Variants in CDH13 observed in about 807,000 individuals in gnomAD.
CDH13 encodes cadherin-13.
In CDH13, 24 loss-of-function variants were observed where a neutral mutation model predicts 63.8. The ratio of observed to expected loss-of-function variants is 0.38; its 90% CI spans 0.27 to 0.53. The LOEUF (loss-of-function observed/expected upper bound fraction) is 0.53. CDH13 is among the 20% of genes least tolerant of loss of function. The pLI is 0.85. For synonymous variants in CDH13, 503 were observed against 355.3 expected (o/e 1.42, Z -4.67); for missense variants, 1,049 against 903.1 (o/e 1.16, Z -2.07).
chr16:83,335,528 G>A (rs1485938663), intron 5 of CDH13, among the ~76,000 whole-genome samples: 1 of 152,002 alleles, frequency 6.6e-6, no homozygotes, highest in Non-Finnish European at 1.5e-5. Context: ...TGCCCTAAGG[G>A]AGGAGACCAT....
chr16:83,055,812 GC>G (rs1350298364), intron 3 of CDH13, among the ~76,000 whole-genome samples: 2 of 152,122 alleles, frequency 1.3e-5, no homozygotes, highest in Non-Finnish European at 2.9e-5. Context: ...AAAATTATAA[GC>G]CAGTCTCTCT....
intron 4 of CDH13, among the ~76,000 whole-genome samples, chr16:83,178,086 G>T (rs1362384698): frequency 1.3e-5 from 2 of 152,166 alleles, no homozygotes; most frequent in Non-Finnish European, 1.5e-5. Context: ...TAGGTTCACA[G>T]CTAACTATCG....
chr16:83,262,087 G>A (rs182070948), intron 5 of CDH13, among the ~76,000 whole-genome samples: 3 of 152,284 alleles, frequency 2.0e-5, no homozygotes, highest in Admixed American at 1.3e-4. Flanking sequence ...ATTAATAGCC[G>A]TGGAGTTTCC....
rs111540944 is a variant in CDH13, at chr16:82,656,312, CGT to C, written c.45+29198_45+29199del. On this transcript the variant is annotated intron_variant, in intron 1 of 13. Transcript: ENST00000567109. Reference sequence around the variant, plus strand: ...CACCTGGTTGCATTTGAATGGTGTGCGTGTGTGTGTGTGTGTGTGTGTGTTAA... The same window carrying C: ...CACCTGGTTGCATTTGAATGGTGTGCGTGTGTGTGTGTGTGTGTGTGTTAA... 2.8e-3 allele frequency among the ~76,000 whole-genome samples: 411 copies of C among 145,668 alleles called. 1 individual carries two copies. Among genetic ancestry groups the C allele is most frequent in the African/African-American group, 6.3e-3 (253 of 40,030 alleles).
At chr16:83,350,472 A>C (rs1244541333) in intron 6 of CDH13, among the ~76,000 whole-genome samples, 1 of 152,246 alleles carries the variant, frequency 6.6e-6, no homozygotes, top group Non-Finnish European at 1.5e-5. Flanking sequence ...GAAGACAAGC[A>C]GAGATTAGCA....
rs542583454 is a variant in CDH13 at position 82,872,615 on chromosome 16, T to C, written c.157+14142T>C. On this transcript the variant is annotated intron_variant, in intron 2 of 13. Coordinates refer to ENST00000567109, the MANE Select transcript of CDH13 (RefSeq NM_001257.5). ...TCTACACACATTCTAGTAATAGAGGTGCCCTCTATTTGTTCTTTTCACCTT... is the reference window on the plus strand; with the variant it reads ...TCTACACACATTCTAGTAATAGAGGCGCCCTCTATTTGTTCTTTTCACCTT... Among the ~76,000 whole-genome samples, 69 of 152,332 alleles carry C rather than the reference T, an allele frequency of 4.5e-4. 1 individual carries two copies. Among genetic ancestry groups the C allele is most frequent in the African/African-American group, 1.6e-3 (65 of 41,574 alleles).
intron 6 of CDH13, among the ~76,000 whole-genome samples, chr16:83,424,512 T>G (rs1202645594): frequency 1.3e-5 from 2 of 152,164 alleles, no homozygotes; most frequent in African/African-American, 4.8e-5. Context: ...TTATTTTTTT[T>G]AAGCTGCTGT....
chr16:83,567,153 C>A (rs1421054279), intron 7 of CDH13, among the ~76,000 whole-genome samples: 1 of 152,232 alleles, frequency 6.6e-6, no homozygotes. Flanking sequence ...CTTGACTCCC[C>A]AGCCAGGCTT....
intron 4 of CDH13, among the ~76,000 whole-genome samples, chr16:83,175,929 A>G (rs1473593733): frequency 2.0e-5 from 3 of 150,058 alleles, no homozygotes; most frequent in Non-Finnish European, 3.0e-5. Flanking sequence ...CCCAGGTTCA[A>G]GCGATTCTCC....
intron 1 of CDH13, among the ~76,000 whole-genome samples, chr16:82,805,781 A>C (rs1192725096): frequency 1.3e-5 from 2 of 152,188 alleles, no homozygotes; most frequent in Non-Finnish European, 2.9e-5. Context: ...TGGCTTTGCC[A>C]GTCTGTTGTG....
At chr16:82,696,472 C>G (rs139192686) in intron 1 of CDH13, among the ~76,000 whole-genome samples, 1 of 152,222 alleles carries the variant, frequency 6.6e-6, no homozygotes, top group Admixed American at 6.5e-5. Flanking sequence ...TTTGACATGG[C>G]AACATGAATG....
chr16:83,048,405 C>T (rs1337569854), intron 3 of CDH13, among the ~76,000 whole-genome samples: 1 of 152,190 alleles, frequency 6.6e-6, no homozygotes, highest in Non-Finnish European at 1.5e-5. Context: ...GGTATTCACG[C>T]TCCTGGACCT....
intron 3 of CDH13, among the ~76,000 whole-genome samples, chr16:83,070,112 C>T (rs564940666): frequency 2.0e-5 from 3 of 152,250 alleles, no homozygotes; most frequent in Non-Finnish European, 1.5e-5. Flanking sequence ...CTGAAATCCT[C>T]TTGCTTCTTG....
At chr16:83,541,440 G>A (rs1169032669) in intron 7 of CDH13, among the ~76,000 whole-genome samples, 4 of 152,154 alleles carry the variant, frequency 2.6e-5, no homozygotes, top group Non-Finnish European at 2.9e-5. Flanking sequence ...GAGGCATGTG[G>A]CAGAGATCGT....
In CDH13 at chr16:83,731,130, T is replaced by C. The variant is rs565010020; in HGVS notation, c.1539-16978T>C. ...CATTGTGCTGTGATAAACATACAAG[T>C]GCATGTGTCTTTTTGGCAAAACAAT... On this transcript the variant is annotated intron_variant, in intron 10 of 13. Transcript: ENST00000567109. 8.5e-5 allele frequency among the ~76,000 whole-genome samples: 13 copies of C among 152,342 alleles called. No homozygotes were observed. The East Asian group carries it at 2.3e-3, about 27-fold the overall frequency.
At chr16:82,698,261 C>A (rs1369733013) in intron 1 of CDH13, among the ~76,000 whole-genome samples, 2 of 152,198 alleles carry the variant, frequency 1.3e-5, no homozygotes, top group African/African-American at 2.4e-5. Context: ...GCATGTCAAG[C>A]ATATGTTTGC....
chr16:83,341,378 G>A (rs191335253), intron 5 of CDH13, among the ~76,000 whole-genome samples: 3 of 152,288 alleles, frequency 2.0e-5, no homozygotes, highest in Non-Finnish European at 2.9e-5. Flanking sequence ...TCTGACCTTC[G>A]TATGAGAACA....
In CDH13 at chr16:82,632,252, C is replaced by T. The variant is rs370839182; in HGVS notation, c.45+5115C>T. On this transcript the variant is annotated intron_variant, in intron 1 of 13. Transcript: ENST00000567109. ...CCCCTAGGGCTTTTTGAGTTTGGGA[C>T]CTCTGCTTTCACAAATGTTGAGGTT... Among the ~76,000 whole-genome samples, 6 of 152,278 alleles carry T rather than the reference C, an allele frequency of 3.9e-5. 1 individual carries two copies. In the East Asian group the frequency reaches 1.2e-3, roughly 29 times the overall value.
At chr16:83,290,266 T>C (rs2089434287) in intron 5 of CDH13, among the ~76,000 whole-genome samples, 2 of 152,222 alleles carry the variant, frequency 1.3e-5, no homozygotes, top group Non-Finnish European at 2.9e-5. Context: ...TTTCAAACAA[T>C]TCACTCTTCA....
Sources: gnomAD v4.1 joint callset for allele counts (sites outside exome capture counted in the v4.1 genomes callset) on GRCh38, gnomAD v4.1.1 for gene constraint, MANE v1.5 for transcripts, NCBI Gene and HGNC (gene_info 2026-07-23, HGNC 2026-07-21) for gene names.